CACNG2: variants seen among roughly 807,000 people sequenced by gnomAD.
The protein encoded by CACNG2 is voltage-dependent calcium channel gamma-2 subunit.
A neutral mutation model predicts 25.9 loss-of-function variants in CACNG2; 3 were observed. The observed-to-expected ratio is 0.12, with a 90% confidence interval of 0.05 to 0.30. CACNG2 has a LOEUF of 0.30. Among genes scored for constraint, CACNG2 ranks in the 10% least tolerant of loss-of-function variants. The probability of loss-of-function intolerance (pLI) is 1.00; values close to 1 mark genes in which losing one functional copy is unlikely to be tolerated. For synonymous variants in CACNG2, 167 were observed against 173.3 expected (o/e 0.96, Z 0.29); for missense variants, 341 against 432.5 (o/e 0.79, Z 1.88).
In CACNG2 at chr22:36,564,346, G is replaced by T. The variant is rs374613281; in HGVS notation, c.*5C>A. 6.2e-7 allele frequency: 1 copy of T among 1,611,860 alleles called. No homozygotes were observed. Reference sequence around the variant, plus strand: ...CCCGCGGTCTTCTGGCGAGGCCCGCGGTCTTTATACGGGGGTGGTCCGGCG... The same window carrying T: ...CCCGCGGTCTTCTGGCGAGGCCCGCTGTCTTTATACGGGGGTGGTCCGGCG... On this transcript the variant is annotated 3_prime_UTR_variant, in exon 4 of 4. Coordinates refer to ENST00000300105, the MANE Select transcript of CACNG2 (RefSeq NM_006078.5). This position sits in a 1 kb window ranked among gnomAD's most constrained non-coding sequence, Gnocchi z 6.7.
At chr22:36,690,373 G>GA (rs397770345) in intron 1 of CACNG2, among the ~76,000 whole-genome samples, 1 of 151,506 alleles carries the variant, frequency 6.6e-6, no homozygotes, top group Non-Finnish European at 1.5e-5. Flanking sequence ...TCCCCCCAAG[G>GA]AACCAAAAAT....
chr22:36,671,888 C>T (rs1207388054), intron 1 of CACNG2, among the ~76,000 whole-genome samples: 2 of 152,040 alleles, frequency 1.3e-5, no homozygotes, highest in East Asian at 1.9e-4. Context: ...GAAAAATGGC[C>T]AGGCTTTTAG....
chr22:36,604,495 A>G (rs181320206), intron 1 of CACNG2, among the ~76,000 whole-genome samples: 202 of 152,362 alleles, frequency 1.3e-3, no homozygotes, highest in Middle Eastern at 6.8e-3. Flanking sequence ...TGCTATACAG[A>G]AATCTTTTGC....
At chr22:36,621,246 G>A (rs28590203) in intron 1 of CACNG2, among the ~76,000 whole-genome samples, 1 of 152,124 alleles carries the variant, frequency 6.6e-6, no homozygotes, top group Non-Finnish European at 1.5e-5. Context: ...GGGGGCTCAC[G>A]CCTGTAATCC....
At chr22:36,670,182 C>T (rs73415688) in intron 1 of CACNG2, among the ~76,000 whole-genome samples, 3,699 of 152,170 alleles carry the variant, frequency 0.024, 146 homozygotes, top group African/African-American at 0.085. Context: ...CTGTGAGCAG[C>T]GTTGGATGCT....
chr22:36,673,761 T>G (rs1449780319), intron 1 of CACNG2, among the ~76,000 whole-genome samples: 6 of 152,110 alleles, frequency 3.9e-5, no homozygotes, highest in Non-Finnish European at 8.8e-5. Context: ...GGCCCTCACG[T>G]GGACAGAGCA....
At chr22:36,591,942 G>A (rs1935600969) in intron 1 of CACNG2, among the ~76,000 whole-genome samples, 1 of 152,086 alleles carries the variant, frequency 6.6e-6, no homozygotes, top group South Asian at 2.1e-4. Flanking sequence ...GTGAGGAAGG[G>A]TTGGGGACGG....
chr22:36,696,820 GC>G (rs1182387057), intron 1 of CACNG2, among the ~76,000 whole-genome samples: 1 of 152,184 alleles, frequency 6.6e-6, no homozygotes, highest in African/African-American at 2.4e-5. Context: ...TAATCCCTAA[GC>G]CAGCAACTGC....
At chr22:36,691,777 A>G (rs756408107) in intron 1 of CACNG2, among the ~76,000 whole-genome samples, 3 of 152,186 alleles carry the variant, frequency 2.0e-5, no homozygotes, top group Admixed American at 6.5e-5. Flanking sequence ...AGCATCTAAA[A>G]CAGTGCTTAG....
At chr22:36,651,266 T>C (rs1936611319) in intron 1 of CACNG2, among the ~76,000 whole-genome samples, 1 of 146,852 alleles carries the variant, frequency 6.8e-6, no homozygotes, top group African/African-American at 2.5e-5. Context: ...TCTTGCTCTG[T>C]TGCCCAGGCT....
chr22:36,661,919 C>T (rs1286615174), intron 1 of CACNG2, among the ~76,000 whole-genome samples: 2 of 139,352 alleles, frequency 1.4e-5, no homozygotes, highest in South Asian at 2.6e-4. Flanking sequence ...AGCTTTGTGG[C>T]TGGTGTGTTG....
At chr22:36,623,344 G>T (rs1936137457) in intron 1 of CACNG2, among the ~76,000 whole-genome samples, 3 of 152,038 alleles carry the variant, frequency 2.0e-5, no homozygotes, top group Non-Finnish European at 4.4e-5. Context: ...ATTAATGGAG[G>T]CATAACTCTG....
intron 1 of CACNG2, among the ~76,000 whole-genome samples, chr22:36,683,010 C>T (rs939445227): frequency 1.3e-5 from 2 of 152,180 alleles, no homozygotes; most frequent in Non-Finnish European, 2.9e-5. Flanking sequence ...CCATGCCTGC[C>T]ATCCCAAAGG....
At chr22:36,640,024 G>A (rs759510055) in intron 1 of CACNG2, among the ~76,000 whole-genome samples, 2 of 152,140 alleles carry the variant, frequency 1.3e-5, no homozygotes, top group Non-Finnish European at 1.5e-5. Context: ...CTCCAAGTCC[G>A]AAATTCAGCA....
At chr22:36,696,385 T>G (rs1406609902) in intron 1 of CACNG2, among the ~76,000 whole-genome samples, 1 of 152,124 alleles carries the variant, frequency 6.6e-6, no homozygotes, top group African/African-American at 2.4e-5. Flanking sequence ...CTGTATTGAG[T>G]TCATTATTTA....
intron 1 of CACNG2, among the ~76,000 whole-genome samples, chr22:36,665,137 T>C (rs1291031105): frequency 6.6e-6 from 1 of 152,202 alleles, no homozygotes; most frequent in Non-Finnish European, 1.5e-5. Context: ...CACACCTCCT[T>C]GCTCCTCTCC....
At chr22:36,644,589 T>C (rs1936490223) in intron 1 of CACNG2, among the ~76,000 whole-genome samples, 1 of 152,240 alleles carries the variant, frequency 6.6e-6, no homozygotes, top group Non-Finnish European at 1.5e-5. Context: ...CGTTCAAGTT[T>C]ATTAACAGGT....
chr22:36,599,573 A>G (rs6519021), intron 1 of CACNG2, among the ~76,000 whole-genome samples: 30,812 of 151,892 alleles, frequency 0.2, 3,665 homozygotes, highest in East Asian at 0.36. Flanking sequence ...GGTGGTGCAC[A>G]CCTGTAGTCC....
intron 1 of CACNG2, among the ~76,000 whole-genome samples, chr22:36,617,366 C>T (rs1936038134): frequency 6.6e-6 from 1 of 151,996 alleles, no homozygotes; most frequent in Non-Finnish European, 1.5e-5. Context: ...CAGGTAAAAG[C>T]ATTGTATCAG....
Sources: gnomAD v4.1 joint callset for allele counts (sites outside exome capture counted in the v4.1 genomes callset) on GRCh38, gnomAD v4.1.1 for gene constraint, Gnocchi (gnomAD v3.1) non-coding constraint, MANE v1.5 for transcripts, NCBI Gene and HGNC (gene_info 2026-07-23, HGNC 2026-07-21) for gene names.